The following CEP170 variants were observed in gnomAD, a reference collection of about 807,000 sequenced individuals.
CEP170 encodes the protein centrosomal protein 170.
A neutral mutation model predicts 151.9 loss-of-function variants in CEP170; 21 were observed. The observed-to-expected ratio is 0.14, with a 90% CI of 0.10 to 0.20. CEP170 has a LOEUF of 0.20. CEP170 is among the 10% of genes least tolerant of loss of function. CEP170 has a pLI of 1.00. For missense variants in CEP170, 964 were observed against 1,892.9 expected (o/e 0.51, Z 9.11); for synonymous variants, 356 against 648.8 (o/e 0.55, Z 6.86).
At chr1:243,169,849 C>G (rs550794285) in intron 11 of CEP170, 95 bp from the exon 12 acceptor site, 3 of 1,475,958 alleles carry the variant, frequency 2.0e-6, no homozygotes, top group African/African-American at 2.8e-5. Context: ...ACTTGCCATA[C>G]AAACCCATAA....
chr1:243,237,877 C>T (rs892505281), intron 1 of CEP170, among the ~76,000 whole-genome samples: 3 of 152,060 alleles, frequency 2.0e-5, no homozygotes, highest in African/African-American at 7.2e-5. Flanking sequence ...TGCACTCCAG[C>T]CTGGGCAACA....
chr1:243,223,654 G>A (rs1558638024), intron 2 of CEP170, among the ~76,000 whole-genome samples: 1 of 152,212 alleles, frequency 6.6e-6, no homozygotes. Context: ...ACTGAGTCGA[G>A]TGAGATGCCA....
rs1450194058 is a variant in CEP170, at chr1:243,225,283, T to C, written c.-3A>G. 1 of 1,580,008 alleles carries C rather than the reference T, an allele frequency of 6.3e-7. No individual in the cohort carries two copies. The highest frequency in any genetic ancestry group is 2.3e-5 in the East Asian group (1 of 43,544). Reference sequence around the variant, plus strand: ...AAAAACCAGGATGTTAAGCTCATTTTCTGCTTAGCTTCTAAGTCTTTGGCA... The same window carrying C: ...AAAAACCAGGATGTTAAGCTCATTTCCTGCTTAGCTTCTAAGTCTTTGGCA... On this transcript the variant is annotated 5_prime_UTR_variant, in exon 2 of 20. Transcript: ENST00000366542.
chr1:243,214,208 AAAT>A (rs2062054435), intron 3 of CEP170, among the ~76,000 whole-genome samples: 1 of 152,274 alleles, frequency 6.6e-6, no homozygotes, highest in South Asian at 2.1e-4. Context: ...ATAAATCTAA[AAAT>A]AATAAGTGTT....
At chr1:243,211,647 A>G (rs1312972775) in intron 4 of CEP170, 1 of 426,278 alleles carries the variant, frequency 2.3e-6, no homozygotes, top group Non-Finnish European at 4.3e-6. Flanking sequence ...TGATGCTGAA[A>G]CTACATAAAT....
chr1:243,152,223 T>C (rs3125241), intron 14 of CEP170, among the ~76,000 whole-genome samples: 3 of 136,590 alleles, frequency 2.2e-5, no homozygotes, highest in African/African-American at 8.0e-5. Flanking sequence ...GCCATTTTGA[T>C]TTTTTTTTTT....
intron 7 of CEP170, among the ~76,000 whole-genome samples, chr1:243,197,077 G>A (rs999355392): frequency 9.2e-5 from 14 of 152,070 alleles, no homozygotes; most frequent in African/African-American, 3.4e-4. Context: ...AGTCATTGTA[G>A]TTTCTTGAAC....
chr1:243,146,666 G>GAA (rs914144893), intron 14 of CEP170, among the ~76,000 whole-genome samples: 3 of 122,136 alleles, frequency 2.5e-5, no homozygotes, highest in Non-Finnish European at 3.6e-5. Context: ...GGCATGGGAA[G>GAA]AAAAAAAAAA....
At chr1:243,218,036 C>A (rs2062461092) in intron 3 of CEP170, among the ~76,000 whole-genome samples, 1 of 152,250 alleles carries the variant, frequency 6.6e-6, no homozygotes, top group Non-Finnish European at 1.5e-5. Flanking sequence ...AATTTACATA[C>A]AACTACATGA....
chr1:243,165,475 A>C lies in CEP170; in HGVS notation c.2485T>G (p.Ser829Ala), dbSNP rs1438403223. The change falls in exon 13 of 20, where the codon TCC (serine) becomes GCC (alanine). Residue 829 changes from serine (S) to alanine (A), a missense_variant. Physicochemically the swap from Ser to Ala is moderately conservative, Grantham distance 99. Transcript: ENST00000366542. ...CCTTGTCGCACTAATGACTTGGAGG[A>C]TTCCTTCTTGTCTCCTCCCTTTGGA... ...QTPKGGDKKESSKSLVRQGSF... is the reference protein window; with the variant it reads ...QTPKGGDKKEASKSLVRQGSF... 1.9e-6 allele frequency: 3 copies of C among 1,597,726 alleles called. No individual in the cohort carries two copies. Among genetic ancestry groups the C allele is most frequent in the Non-Finnish European group, 2.6e-6 (3 of 1,171,954 alleles).
chr1:243,222,520 T>C (rs1440072373), intron 2 of CEP170, among the ~76,000 whole-genome samples: 1 of 152,190 alleles, frequency 6.6e-6, no homozygotes. Context: ...AAATTGGTAT[T>C]GAAAGGAAAT....
intron 13 of CEP170, among the ~76,000 whole-genome samples, chr1:243,158,952 A>C (rs1401380879): frequency 6.6e-6 from 1 of 152,068 alleles, no homozygotes; most frequent in Non-Finnish European, 1.5e-5. Flanking sequence ...CTGTAATCCC[A>C]GCTACTCGGG....
intron 14 of CEP170, among the ~76,000 whole-genome samples, chr1:243,143,588 C>A (rs1036602210): frequency 6.6e-6 from 1 of 151,940 alleles, no homozygotes; most frequent in Non-Finnish European, 1.5e-5. Flanking sequence ...AAGACATTAA[C>A]GTTTTCCAAG....
chr1:243,167,739 G>T (rs934230251), intron 12 of CEP170, among the ~76,000 whole-genome samples: 24 of 151,458 alleles, frequency 1.6e-4, no homozygotes, highest in African/African-American at 5.6e-4. Context: ...TGAACTGATA[G>T]ATTTAACTTT....
At chr1:243,233,741 A>AAAAAAAAAT (rs1367723157) in intron 1 of CEP170, among the ~76,000 whole-genome samples, 5 of 140,436 alleles carry the variant, frequency 3.6e-5, no homozygotes, top group African/African-American at 7.9e-5. Context: ...TCAAAAAAAA[A>AAAAAAAAAT]ATATATATAT....
chr1:243,155,393 G>C (rs2057457321), intron 14 of CEP170, among the ~76,000 whole-genome samples: 1 of 152,030 alleles, frequency 6.6e-6, no homozygotes, highest in Admixed American at 6.5e-5. Flanking sequence ...GAAATATTAT[G>C]TATAAACTCT....
At chr1:243,252,781 A>C (rs1438473214) in intron 1 of CEP170, among the ~76,000 whole-genome samples, 1 of 152,202 alleles carries the variant, frequency 6.6e-6, no homozygotes, top group Non-Finnish European at 1.5e-5. Flanking sequence ...AATTTAAGAT[A>C]AATAATAAAT....
chr1:243,228,110 G>C (rs1473148413), intron 1 of CEP170, among the ~76,000 whole-genome samples: 2 of 152,154 alleles, frequency 1.3e-5, no homozygotes, highest in African/African-American at 4.8e-5. Context: ...ACTTGAATTA[G>C]AGGCAAACTA....
chr1:243,249,192 G>A (rs900467762), intron 1 of CEP170, among the ~76,000 whole-genome samples: 2 of 152,134 alleles, frequency 1.3e-5, no homozygotes, highest in Admixed American at 1.3e-4. Context: ...TTGGGAGGCT[G>A]AGGAAAGAGG....
Sources: gnomAD v4.1 joint callset for allele counts (sites outside exome capture counted in the v4.1 genomes callset) on GRCh38, gnomAD v4.1.1 for gene constraint, MANE v1.5 for transcripts, NCBI Gene and HGNC (gene_info 2026-07-23, HGNC 2026-07-21) for gene names.